TTC27: variants seen among roughly 807,000 people sequenced by gnomAD.
The protein encoded by TTC27 is tetratricopeptide repeat protein 27.
Under a neutral mutation model 115.9 loss-of-function variants are expected in TTC27, and 79 were observed. The ratio of observed to expected loss-of-function variants is 0.68; its 90% CI spans 0.57 to 0.82. TTC27 has a LOEUF of 0.82. Among genes scored for constraint, TTC27 ranks in the 40% least tolerant of loss-of-function variants. The pLI, the probability that TTC27 is intolerant of heterozygous loss-of-function variation, is 0.00. For missense variants in TTC27, 1,054 were observed against 993.1 expected (o/e 1.06, Z -0.82); for synonymous variants, 401 against 356.0 (o/e 1.13, Z -1.42).
intron 12 of TTC27, among the ~76,000 whole-genome samples, chr2:32,739,286 AAAT>A: frequency 6.6e-6 from 1 of 152,336 alleles, no homozygotes; most frequent in East Asian, 1.9e-4. Context: ...GTAGTTTTTG[AAAT>A]AATAATATTT....
chr2:32,655,223 C>T (rs1387378459), intron 5 of TTC27, among the ~76,000 whole-genome samples: 7 of 152,076 alleles, frequency 4.6e-5, no homozygotes, highest in African/African-American at 9.7e-5. Flanking sequence ...GAAGTCTGAT[C>T]TCATGATCTG....
At chr2:32,638,727 T>C (rs1196137150) in intron 3 of TTC27, among the ~76,000 whole-genome samples, 3 of 152,094 alleles carry the variant, frequency 2.0e-5, no homozygotes, top group Non-Finnish European at 4.4e-5. Flanking sequence ...AAATATTCAG[T>C]ATTCAAATAT....
chr2:32,662,619 C>A (rs1280349751), intron 5 of TTC27, among the ~76,000 whole-genome samples: 1 of 152,076 alleles, frequency 6.6e-6, no homozygotes, highest in Non-Finnish European at 1.5e-5. Flanking sequence ...GTGATATCCC[C>A]TTTATCATTT....
intron 13 of TTC27, among the ~76,000 whole-genome samples, chr2:32,771,038 T>C (rs78082542): frequency 0.077 from 11,791 of 152,270 alleles, 879 homozygotes; most frequent in African/African-American, 0.2. Flanking sequence ...GTGAGTACTG[T>C]GATAACATCT....
intron 10 of TTC27, among the ~76,000 whole-genome samples, chr2:32,722,791 C>T (rs1667970834): frequency 6.6e-6 from 1 of 152,118 alleles, no homozygotes; most frequent in African/African-American, 2.4e-5. Flanking sequence ...TTAAGGCCTA[C>T]AATTCAGGTT....
intron 9 of TTC27, among the ~76,000 whole-genome samples, chr2:32,697,437 C>A (rs563069687): frequency 3.9e-5 from 6 of 152,254 alleles, no homozygotes; most frequent in African/African-American, 1.4e-4. Flanking sequence ...AGCAGTTTAG[C>A]TGTTCTTAAG....
chr2:32,752,631 G>A (rs968215665), intron 12 of TTC27, among the ~76,000 whole-genome samples: 3 of 152,152 alleles, frequency 2.0e-5, no homozygotes, highest in African/African-American at 7.2e-5. Context: ...AACAAAATCA[G>A]CCGTTCTTTT....
intron 8 of TTC27, among the ~76,000 whole-genome samples, chr2:32,674,925 G>C (rs1666145218): frequency 6.6e-6 from 1 of 152,068 alleles, no homozygotes; most frequent in Non-Finnish European, 1.5e-5. Flanking sequence ...GCCTCCCAAA[G>C]TGCTGGGATT....
At chr2:32,706,752 C>G (rs1452447945) in intron 10 of TTC27, among the ~76,000 whole-genome samples, 1 of 152,068 alleles carries the variant, frequency 6.6e-6, no homozygotes, top group Non-Finnish European at 1.5e-5. Context: ...TTAGTAGAGA[C>G]AGGGTTTCAC....
chr2:32,635,832 G>A (rs1397881100), intron 3 of TTC27, among the ~76,000 whole-genome samples: 1 of 152,132 alleles, frequency 6.6e-6, no homozygotes, highest in Non-Finnish European at 1.5e-5. Flanking sequence ...TTAACTCTTT[G>A]CATATCAGCT....
chr2:32,645,444 A>G (rs80203425), intron 4 of TTC27, among the ~76,000 whole-genome samples: 82 of 152,320 alleles, frequency 5.4e-4, no homozygotes, highest in African/African-American at 1.9e-3. Context: ...ATTCTGTAAT[A>G]AGTGTTATAA....
chr2:32,796,891 G>A (rs561996963), intron 16 of TTC27, among the ~76,000 whole-genome samples: 6 of 151,606 alleles, frequency 4.0e-5, no homozygotes, highest in South Asian at 2.1e-4. Flanking sequence ...ACAGTGTCTC[G>A]GCTGGGCACG....
intron 10 of TTC27, among the ~76,000 whole-genome samples, chr2:32,731,887 G>A (rs1223600720): frequency 1.3e-5 from 2 of 152,110 alleles, no homozygotes; most frequent in Non-Finnish European, 2.9e-5. Context: ...AGTAAATGAG[G>A]AAATATTTAC....
intron 11 of TTC27, 65 bp from the exon 12 acceptor site, chr2:32,736,629 G>GC: frequency 6.3e-7 from 1 of 1,597,924 alleles, no homozygotes; most frequent in Non-Finnish European, 8.6e-7. Flanking sequence ...AGGTACACCT[G>GC]CAAGTGAAAC....
chr2:32,678,413 A>T (rs921011878), intron 8 of TTC27, among the ~76,000 whole-genome samples: 16 of 151,584 alleles, frequency 1.1e-4, no homozygotes, highest in African/African-American at 3.1e-4. Context: ...TTATTTATTT[A>T]TTTTTTAATT....
chr2:32,810,622 G>A (rs1671287893), intron 16 of TTC27, among the ~76,000 whole-genome samples: 2 of 152,154 alleles, frequency 1.3e-5, no homozygotes, highest in South Asian at 4.1e-4. Flanking sequence ...AGGTATTGAG[G>A]TGCACAGTCC....
chr2:32,685,260 C>T (rs1489634704), intron 9 of TTC27, among the ~76,000 whole-genome samples: 2 of 152,060 alleles, frequency 1.3e-5, no homozygotes, highest in Non-Finnish European at 2.9e-5. Context: ...GAACTCCTGA[C>T]CTCAGGTGAT....
At chr2:32,746,099 A>T (rs909724917) in intron 12 of TTC27, among the ~76,000 whole-genome samples, 1 of 152,184 alleles carries the variant, frequency 6.6e-6, no homozygotes, top group South Asian at 2.1e-4. Flanking sequence ...ATTTGTATGT[A>T]TGTGGAGCGG....
chr2:32,644,522 C>T (rs1221950803), intron 4 of TTC27, among the ~76,000 whole-genome samples: 1 of 152,102 alleles, frequency 6.6e-6, no homozygotes, highest in East Asian at 1.9e-4. Flanking sequence ...TTGACTTCTG[C>T]TTAAAAACCT....
Sources: gnomAD v4.1 joint callset for allele counts (sites outside exome capture counted in the v4.1 genomes callset) on GRCh38, gnomAD v4.1.1 for gene constraint, MANE v1.5 for transcripts, NCBI Gene and HGNC (gene_info 2026-07-23, HGNC 2026-07-21) for gene names.